The following LYPLAL1 variants were observed in gnomAD, a reference collection of about 807,000 sequenced individuals.
The protein encoded by LYPLAL1 is lysophospholipase-like protein 1.
LYPLAL1 carries 23 observed loss-of-function variants against 19.7 expected under a neutral mutation model. The ratio of observed to expected loss-of-function variants is 1.17; its 90% CI spans 0.84 to 1.65. LYPLAL1 has a LOEUF of 1.65. Among genes scored for constraint, LYPLAL1 ranks in the 40% most tolerant of loss-of-function variants. LYPLAL1 has a pLI of 0.00. For missense variants in LYPLAL1, 355 were observed against 279.4 expected, an observed-to-expected ratio of 1.27 and a Z score of -1.93; for synonymous variants, 119 against 96.3, an observed-to-expected ratio of 1.24 and a Z score of -1.38.
At chr1:219,314,729 G>A in the LYPLAL1 span, among the ~76,000 whole-genome samples, 1 of 152,228 alleles carries the variant, frequency 6.6e-6, no homozygotes, top group Non-Finnish European at 1.5e-5. Flanking sequence ...ACTGCGCCTG[G>A]CTGACAGAGA....
chr1:219,400,508 T>C, the LYPLAL1 span, among the ~76,000 whole-genome samples: 1 of 152,034 alleles, frequency 6.6e-6, no homozygotes, highest in Non-Finnish European at 1.5e-5. Context: ...TCTTTTTTTT[T>C]TTTTTGAGAC....
At chr1:219,217,288 G>A (rs1272626359), downstream of LYPLAL1, among the ~76,000 whole-genome samples, 1 of 151,840 alleles carries the variant, frequency 6.6e-6, no homozygotes, top group East Asian at 1.9e-4. Flanking sequence ...AAGAAATCCA[G>A]ATTTTTTAAT....
At chr1:219,409,854 A>T in the LYPLAL1 span, 1 of 152,214 alleles carries the variant, frequency 6.6e-6, no homozygotes, top group Admixed American at 6.5e-5. Context: ...TCTGGGACAG[A>T]CCATCTAACT....
the LYPLAL1 span, among the ~76,000 whole-genome samples, chr1:219,331,954 A>G: frequency 1.3e-5 from 2 of 152,162 alleles, no homozygotes; most frequent in South Asian, 2.1e-4. Context: ...TTGTTAATTA[A>G]TGCTAGGTTG....
intron 3 of LYPLAL1, among the ~76,000 whole-genome samples, chr1:219,200,981 T>TA (rs1228680330): frequency 5.3e-5 from 8 of 152,220 alleles, no homozygotes; most frequent in Non-Finnish European, 1.0e-4. Flanking sequence ...CAACGATTCT[T>TA]ACATTTAGCT....
At chr1:219,217,379 G>GGGGTGTGTGTGTGTGTGTGTGTGT (rs1553304603), downstream of LYPLAL1, among the ~76,000 whole-genome samples, 61 of 134,136 alleles carry the variant, frequency 4.5e-4, no homozygotes, top group African/African-American at 1.4e-3. Flanking sequence ...TGCCAGGTTT[G>GGGGTGTGTGTGTGTGTGTGTGTGT]GTGTGTGTGT....
chr1:219,344,305 A>G, the LYPLAL1 span, among the ~76,000 whole-genome samples: 1 of 152,120 alleles, frequency 6.6e-6, no homozygotes, highest in Non-Finnish European at 1.5e-5. Context: ...TGACACTGCA[A>G]ACTATCTACC....
At chr1:219,361,255 G>A in the LYPLAL1 span, among the ~76,000 whole-genome samples, 4 of 152,166 alleles carry the variant, frequency 2.6e-5, no homozygotes, top group African/African-American at 7.2e-5. Context: ...TTCTTTTACC[G>A]AAGGACTGTA....
chr1:219,252,286 T>A, the LYPLAL1 span, among the ~76,000 whole-genome samples: 2 of 152,100 alleles, frequency 1.3e-5, no homozygotes, highest in Non-Finnish European at 2.9e-5. Flanking sequence ...TTCTCTTCCC[T>A]GATTGGTCTA....
At chr1:219,357,989 G>T in the LYPLAL1 span, among the ~76,000 whole-genome samples, 1 of 152,236 alleles carries the variant, frequency 6.6e-6, no homozygotes, top group African/African-American at 2.4e-5. Context: ...ACACAAAACT[G>T]TAGAGGCAGT....
chr1:219,351,205 A>G, the LYPLAL1 span, among the ~76,000 whole-genome samples: 17 of 151,966 alleles, frequency 1.1e-4, no homozygotes, highest in Non-Finnish European at 2.1e-4. Context: ...AGATTAGACA[A>G]TACATAGTAA....
At chr1:219,203,748 A>G (rs1309638923) in intron 3 of LYPLAL1, among the ~76,000 whole-genome samples, 2 of 152,184 alleles carry the variant, frequency 1.3e-5, no homozygotes, top group Non-Finnish European at 2.9e-5. Context: ...GAATGATGTG[A>G]TCAAATGGGC....
the LYPLAL1 span, among the ~76,000 whole-genome samples, chr1:219,238,304 ATTTTTTTTT>A: frequency 6.1e-5 from 5 of 81,902 alleles, no homozygotes; most frequent in Admixed American, 1.5e-4. Flanking sequence ...CGCCCGGCTA[ATTTTTTTTT>A]TTTTTTTTTT....
the LYPLAL1 span, among the ~76,000 whole-genome samples, chr1:219,306,740 G>A: frequency 3.3e-5 from 2 of 61,152 alleles, no homozygotes; most frequent in East Asian, 5.6e-4. Flanking sequence ...ACAGACAGAT[G>A]CATAGATAGA....
At chr1:219,232,489 G>T in the LYPLAL1 span, among the ~76,000 whole-genome samples, 6 of 151,946 alleles carry the variant, frequency 3.9e-5, no homozygotes, top group African/African-American at 1.5e-4. Context: ...TGATTTCTTG[G>T]GTATGACAGC....
At chr1:219,429,202 G>A in the LYPLAL1 span, among the ~76,000 whole-genome samples, 1 of 152,154 alleles carries the variant, frequency 6.6e-6, no homozygotes, top group Non-Finnish European at 1.5e-5. Context: ...CAGGAAACTC[G>A]AGGAGGAATA....
the LYPLAL1 span, among the ~76,000 whole-genome samples, chr1:219,421,781 GA>G: frequency 6.6e-6 from 1 of 151,538 alleles, no homozygotes; most frequent in Non-Finnish European, 1.5e-5. Flanking sequence ...TAGTTTCTCG[GA>G]AAAAAAGGTA....
the LYPLAL1 span, among the ~76,000 whole-genome samples, chr1:219,323,755 T>G: frequency 6.6e-6 from 1 of 152,070 alleles, no homozygotes; most frequent in Non-Finnish European, 1.5e-5. Context: ...ATAAAAACCT[T>G]AGAAAAAAGT....
At chr1:219,179,344 A>T (rs1054701370) in intron 2 of LYPLAL1, 98 bp downstream of exon 2, 41 of 856,046 alleles carry the variant, frequency 4.8e-5, no homozygotes, top group Non-Finnish European at 6.9e-5. Context: ...TTAATTTTGT[A>T]TTTAACATAC....
Sources: allele counts gnomAD v4.1 joint callset (sites outside exome capture counted in the v4.1 genomes callset), GRCh38; gene constraint gnomAD v4.1.1; transcripts MANE v1.5; gene names NCBI Gene and HGNC (gene_info 2026-07-23, HGNC 2026-07-21).